Variants in SSBP3 observed in about 807,000 individuals in gnomAD.
The protein encoded by SSBP3 is single-stranded DNA-binding protein 3.
Under a neutral mutation model 69.6 loss-of-function variants are expected in SSBP3, and 5 were observed. That is an observed-to-expected ratio of 0.07 (90% CI 0.04 to 0.15). The LOEUF is 0.15. Ranked by LOEUF, SSBP3 falls within the 10% of genes least tolerant of loss-of-function variation. The probability of loss-of-function intolerance (pLI) is 1.00; values close to 1 mark genes in which losing one functional copy is unlikely to be tolerated. For synonymous variants in SSBP3, 196 were observed against 193.4 expected (o/e 1.01, Z -0.11); for missense variants, 312 against 534.0 (o/e 0.58, Z 4.10).
At chr1:54,361,393 G>A (rs898654596) in intron 4 of SSBP3, among the ~76,000 whole-genome samples, 5 of 152,206 alleles carry the variant, frequency 3.3e-5, no homozygotes, top group South Asian at 2.1e-4. Context: ...AACAGATAGA[G>A]GTTTAAAGCA....
Position 54,360,735 on chromosome 1 carries a change from C to A in SSBP3, c.276+41126G>T, listed in dbSNP as rs116066522. Among the ~76,000 whole-genome samples, 1,401 of 152,222 alleles carry A rather than the reference C, an allele frequency of 9.2e-3. 18 individuals carry two copies. Among genetic ancestry groups the A allele is most frequent in the African/African-American group, 0.032 (1,333 of 41,518 alleles). On this transcript the variant is annotated intron_variant, in intron 4 of 17. Coordinates refer to ENST00000610401, the Ensembl canonical transcript of SSBP3. ...ACTGAACCTCCTCGAGTCTCAATTTCCTCACCTGCAAAATGGGGGACCATG... is the reference window on the plus strand; with the variant it reads ...ACTGAACCTCCTCGAGTCTCAATTTACTCACCTGCAAAATGGGGGACCATG...
At chr1:54,380,518 G>A (rs550804863) in intron 4 of SSBP3, among the ~76,000 whole-genome samples, 65 of 152,348 alleles carry the variant, frequency 4.3e-4, no homozygotes, top group African/African-American at 1.4e-3. Flanking sequence ...AAAACGGGAG[G>A]GGGAAAGAAG....
At chr1:54,279,448 AC>A (rs1289467436) in intron 5 of SSBP3, among the ~76,000 whole-genome samples, 1 of 152,234 alleles carries the variant, frequency 6.6e-6, no homozygotes, top group African/African-American at 2.4e-5. Flanking sequence ...CTTGTCCTAG[AC>A]CCAGGCCAAA....
intron 4 of SSBP3, among the ~76,000 whole-genome samples, chr1:54,374,437 C>T (rs1226631032): frequency 6.6e-6 from 1 of 152,222 alleles, no homozygotes; most frequent in African/African-American, 2.4e-5. Flanking sequence ...TGAGGCCCTG[C>T]TGGCCCTGCT....
intron 4 of SSBP3, among the ~76,000 whole-genome samples, chr1:54,324,971 G>A (rs1646274881): frequency 6.6e-6 from 1 of 152,208 alleles, no homozygotes; most frequent in Non-Finnish European, 1.5e-5. Flanking sequence ...GCTCTACCAA[G>A]AGGAGAAGGC....
chr1:54,294,637 GT>G (rs1645672504), intron 4 of SSBP3, among the ~76,000 whole-genome samples: 1 of 152,190 alleles, frequency 6.6e-6, no homozygotes, highest in African/African-American at 2.4e-5. Context: ...GCAGGAAGGG[GT>G]TCAAGTGGCC....
At chr1:54,396,180 A>C (rs1648851248) in intron 4 of SSBP3, among the ~76,000 whole-genome samples, 1 of 127,270 alleles carries the variant, frequency 7.9e-6, no homozygotes. Context: ...TGACAGAGTG[A>C]GACTCCATCT....
At chr1:54,332,790 A>G (rs879435702) in intron 4 of SSBP3, among the ~76,000 whole-genome samples, 2 of 152,274 alleles carry the variant, frequency 1.3e-5, no homozygotes, top group Non-Finnish European at 2.9e-5. Flanking sequence ...CTGCCACTCA[A>G]CAAGGGCCCT....
intron 4 of SSBP3, among the ~76,000 whole-genome samples, chr1:54,348,740 T>C (rs564504211): frequency 1.3e-5 from 2 of 152,282 alleles, no homozygotes; most frequent in South Asian, 4.1e-4. Flanking sequence ...TCCCACTCAC[T>C]TCCCCACCAT....
chr1:54,246,066 C>T (rs1334672586), intron 9 of SSBP3, among the ~76,000 whole-genome samples: 2 of 152,194 alleles, frequency 1.3e-5, no homozygotes, highest in Non-Finnish European at 2.9e-5. Context: ...CCACAATCCC[C>T]TCTGCTGTGC....
intron 4 of SSBP3, among the ~76,000 whole-genome samples, chr1:54,396,576 C>A (rs963088578): frequency 6.6e-6 from 1 of 152,236 alleles, no homozygotes; most frequent in East Asian, 1.9e-4. Flanking sequence ...GTTCCCCACT[C>A]GAGACCCTGC....
At chr1:54,250,062 A>T (rs623655) in intron 9 of SSBP3, among the ~76,000 whole-genome samples, 3 of 152,076 alleles carry the variant, frequency 2.0e-5, no homozygotes, top group Admixed American at 1.3e-4. Flanking sequence ...TATCTGACTC[A>T]GGAGAGGGGA....
chr1:54,354,456 T>G (rs1044305702), intron 4 of SSBP3, among the ~76,000 whole-genome samples: 1 of 151,880 alleles, frequency 6.6e-6, no homozygotes, highest in African/African-American at 2.4e-5. Context: ...GTGGGTGAAG[T>G]GGGGAGGTGG....
At chr1:54,363,117 G>GTGTGCT (rs1457818712) in intron 4 of SSBP3, among the ~76,000 whole-genome samples, 10 of 152,162 alleles carry the variant, frequency 6.6e-5, no homozygotes, top group Admixed American at 4.6e-4. Context: ...CAGGCATTAA[G>GTGTGCT]AAGCCCACTC....
exon 1 of SSBP3, chr1:54,406,193 C>G (rs2100839023): frequency 2.2e-6 from 1 of 460,438 alleles, no homozygotes; most frequent in Middle Eastern, 6.1e-4. Flanking sequence ...CGCGCTCTTT[C>G]CAGCTGTCAA....
At chr1:54,292,074 T>C (rs1645618462) in intron 4 of SSBP3, among the ~76,000 whole-genome samples, 1 of 152,112 alleles carries the variant, frequency 6.6e-6, no homozygotes, top group Admixed American at 6.5e-5. Context: ...CCTCCAGTGC[T>C]CTAGGAAGCC....
In SSBP3 at chr1:54,384,196, G is replaced by C. The variant is rs557855698; in HGVS notation, c.276+17665C>G. ...GGCCTCAGAAGTTGTCAAAAGGCTG[G>C]GTTAACTGAACAGAGAGCATTTTCC... is the stretch of plus-strand genomic sequence containing the variant. On this transcript the variant is annotated intron_variant, in intron 4 of 17. Coordinates refer to ENST00000610401, the Ensembl canonical transcript of SSBP3. Among the ~76,000 whole-genome samples the C allele has an allele frequency of 4.6e-5, 7 of 151,778 alleles. No individual in the cohort carries two copies. In the East Asian group the frequency reaches 9.8e-4, roughly 21 times the overall value.
chr1:54,259,695 G>A (rs1570285567), intron 5 of SSBP3, among the ~76,000 whole-genome samples: 1 of 152,266 alleles, frequency 6.6e-6, no homozygotes, highest in Non-Finnish European at 1.5e-5. Context: ...GGGAGGAGGG[G>A]CGTGGGCCCA....
At position 54,347,369 on chromosome 1, in the gene SSBP3, T is replaced by A. The variant is rs562056937; in HGVS notation, c.276+54492A>T. Among the ~76,000 whole-genome samples the A allele has an allele frequency of 3.2e-3, 468 of 147,454 alleles. 3 individuals are homozygous for A. Among genetic ancestry groups the A allele is most frequent in the African/African-American group, 0.011 (440 of 38,440 alleles). On this transcript the variant is annotated intron_variant, in intron 4 of 17. Transcript: ENST00000610401. ...GGCTGTTTTTTAATTTGTCCCCTTTTTAAAAAAAAAAAAAAAAGATGGGGT... is the reference window on the plus strand; with the variant it reads ...GGCTGTTTTTTAATTTGTCCCCTTTATAAAAAAAAAAAAAAAAGATGGGGT...
Sources: gnomAD v4.1 joint callset for allele counts (sites outside exome capture counted in the v4.1 genomes callset) on GRCh38, gnomAD v4.1.1 for gene constraint, MANE v1.5 for transcripts, NCBI Gene and HGNC (gene_info 2026-07-23, HGNC 2026-07-21) for gene names.